The following MFSD11 variants were observed in gnomAD, a reference collection of about 807,000 sequenced individuals.
MFSD11 encodes major facilitator superfamily domain containing 11.
MFSD11 carries 36 observed loss-of-function variants against 53.5 expected under a neutral mutation model. The observed-to-expected ratio is 0.67, with a 90% CI of 0.52 to 0.89. MFSD11 has a LOEUF of 0.89. MFSD11 is among the 40% of genes least tolerant of loss of function. The probability of loss-of-function intolerance (pLI) is 0.00; values close to 1 mark genes in which losing one functional copy is unlikely to be tolerated. For synonymous variants in MFSD11, 186 were observed against 184.9 expected (o/e 1.01, Z -0.05); for missense variants, 530 against 543.9 (o/e 0.97, Z 0.25).
Position 76,738,427 on chromosome 17 carries a change from T to G in MFSD11, c.75T>G (p.Phe25Leu). 6.2e-7 allele frequency: 1 copy of G among 1,613,928 alleles called. No individual in the cohort carries two copies. The highest frequency in any genetic ancestry group is 8.5e-7 in the Non-Finnish European group (1 of 1,179,748). Residue 25 changes from phenylalanine to leucine, a missense_variant, in exon 1 of 13, where the codon TTT becomes TTG. Coordinates refer to ENST00000685175, the MANE Select transcript of MFSD11 (RefSeq NM_001242532.5). ...GVAFMFMFTAFQTCGNVAQTV... is the reference protein window; with the variant it reads ...GVAFMFMFTALQTCGNVAQTV... ...CCTTTATGTTTATGTTCACTGCCTT[T>G]CAAACTTGTGGAAATGTGGCGGTGA...
At chr17:76,754,278 T>C in intron 8 of MFSD11, 191 bp downstream of exon 8, 1 of 545,720 alleles carries the variant, frequency 1.8e-6, no homozygotes, top group African/African-American at 1.9e-5. Context: ...GGATGGATGA[T>C]GGTATGACTG....
At chr17:76,770,383 ATAATTCACAGAT>A (rs1184268546) in intron 10 of MFSD11, among the ~76,000 whole-genome samples, 1 of 152,154 alleles carries the variant, frequency 6.6e-6, no homozygotes, top group Non-Finnish European at 1.5e-5. Context: ...CATTTGCAAA[ATAATTCACAGAT>A]GGAAACCCTG....
chr17:76,754,282 A>T, intron 8 of MFSD11, 195 bp downstream of exon 8: 1 of 542,062 alleles, frequency 1.8e-6, no homozygotes, highest in Non-Finnish European at 3.3e-6. Context: ...GGATGATGGT[A>T]TGACTGCCCA....
the MFSD11 span, among the ~76,000 whole-genome samples, chr17:76,803,743 A>C: frequency 7.9e-5 from 12 of 152,102 alleles, no homozygotes; most frequent in Non-Finnish European, 5.9e-5. Context: ...TGAATTAAAA[A>C]CTGTGATCCC....
Position 76,767,462 on chromosome 17 carries a change from T to TA in MFSD11, c.748+12dup. 6.6e-7 allele frequency: 1 copy of TA among 1,510,086 alleles called. No individual in the cohort carries two copies. The highest frequency in any genetic ancestry group is 9.2e-7 in the Non-Finnish European group (1 of 1,091,434). 93.5% of individuals were successfully genotyped at this position (1,510,086 alleles called of 1,614,324 possible). A position where few individuals can be genotyped will look rare whatever the true frequency, so the allele number is the denominator to read the frequency against. Reference sequence around the variant, plus strand: ...CAACTGCTTATACAGGTAATGGAATTACTGTTCTTATTTTCTCTTGCTGCA... The same window carrying TA: ...CAACTGCTTATACAGGTAATGGAATTAACTGTTCTTATTTTCTCTTGCTGCA... On this transcript the variant is annotated intron_variant, in intron 9 of 12. Coordinates refer to ENST00000685175, the MANE Select transcript of MFSD11 (RefSeq NM_001242532.5).
the MFSD11 span, among the ~76,000 whole-genome samples, chr17:76,796,515 T>C: frequency 6.6e-6 from 1 of 152,160 alleles, no homozygotes; most frequent in Non-Finnish European, 1.5e-5. Context: ...CAGCCGACTC[T>C]GCAGCACCAG....
the MFSD11 span, among the ~76,000 whole-genome samples, chr17:76,802,956 G>A: frequency 6.6e-6 from 1 of 151,946 alleles, no homozygotes; most frequent in South Asian, 2.1e-4. Flanking sequence ...AGGAGATCGA[G>A]TCCATCCTGG....
chr17:76,737,508 G>T (rs1394299868), upstream of MFSD11: 3 of 311,602 alleles, frequency 9.6e-6, no homozygotes, highest in Non-Finnish European at 1.8e-5. Flanking sequence ...GCCAAAAAGC[G>T]CGGAGTCACG....
chr17:76,778,529 T>C lies in MFSD11; in HGVS notation c.*177T>C, dbSNP rs889425104. The C allele has an allele frequency of 7.1e-6, 4 of 563,022 alleles. No homozygotes were observed. The highest frequency in any genetic ancestry group is 1.2e-5 in the Non-Finnish European group (4 of 326,124). The allele number at this position is 563,022 out of a possible 1,614,324, so 34.9% of individuals were successfully genotyped here. A position where few individuals can be genotyped will look rare whatever the true frequency, so the allele number is the denominator to read the frequency against. ...TGTTCAAGTTTACAGATATGAGTTA[T>C]TTAAAGCAAGTAGAATAAGGGAAAG... On this transcript the variant is annotated 3_prime_UTR_variant, in exon 13 of 13. Transcript: ENST00000685175.
chr17:76,741,829 C>T, intron 3 of MFSD11, 140 bp from the exon 4 acceptor site: 1 of 1,301,534 alleles, frequency 7.7e-7, no homozygotes, highest in South Asian at 1.4e-5. Context: ...TTGATTGTGT[C>T]CCTTTTTTCA....
intron 12 of MFSD11, among the ~76,000 whole-genome samples, chr17:76,777,805 C>G (rs1332223473): frequency 1.3e-5 from 2 of 152,100 alleles, no homozygotes; most frequent in African/African-American, 2.4e-5. Context: ...TCTGTACATT[C>G]TTGTTACTCC....
chr17:76,802,113 C>T, the MFSD11 span, among the ~76,000 whole-genome samples: 2 of 151,346 alleles, frequency 1.3e-5, no homozygotes, highest in Admixed American at 6.6e-5. Context: ...TACTAAAATA[C>T]AAAAAAAATT....
chr17:76,770,903 C>T (rs2081326643), intron 10 of MFSD11, among the ~76,000 whole-genome samples: 1 of 152,228 alleles, frequency 6.6e-6, no homozygotes, highest in Non-Finnish European at 1.5e-5. Flanking sequence ...GATCCTGTTA[C>T]ATAGGCATGC....
At chr17:76,777,959 C>T (rs1459281531) in intron 12 of MFSD11, among the ~76,000 whole-genome samples, 1 of 152,036 alleles carries the variant, frequency 6.6e-6, no homozygotes, top group African/African-American at 2.4e-5. Flanking sequence ...GTGGCATGAA[C>T]CCCCACACCT....
the MFSD11 span, among the ~76,000 whole-genome samples, chr17:76,793,579 A>G: frequency 2.6e-5 from 4 of 151,424 alleles, 1 homozygote; most frequent in African/African-American, 9.8e-5. Flanking sequence ...GAGGCGACAT[A>G]CATCCTCCTC....
intron 8 of MFSD11, among the ~76,000 whole-genome samples, chr17:76,766,374 G>A (rs186699390): frequency 1.8e-4 from 27 of 146,402 alleles, no homozygotes; most frequent in African/African-American, 4.8e-4. Flanking sequence ...AGCCAAGATC[G>A]CGCCACTCTA....
chr17:76,747,447 G>T (rs530027746), intron 7 of MFSD11, among the ~76,000 whole-genome samples: 3 of 151,844 alleles, frequency 2.0e-5, no homozygotes, highest in East Asian at 1.9e-4. Context: ...TGATTCTTCC[G>T]CCTCAGCCTC....
At chr17:76,773,011 C>G (rs993828811) in intron 10 of MFSD11, 3 of 152,300 alleles carry the variant, frequency 2.0e-5, no homozygotes, top group Non-Finnish European at 2.9e-5. Flanking sequence ...GCTGGTGGGA[C>G]CAGACACTAT....
At chr17:76,763,510 C>T (rs1191390562) in intron 8 of MFSD11, among the ~76,000 whole-genome samples, 4 of 152,066 alleles carry the variant, frequency 2.6e-5, no homozygotes, top group East Asian at 1.9e-4. Flanking sequence ...GTGATCCACC[C>T]GCCTCAGCCT....
Sources: allele counts gnomAD v4.1 joint callset (sites outside exome capture counted in the v4.1 genomes callset), GRCh38; gene constraint gnomAD v4.1.1; transcripts MANE v1.5; gene names NCBI Gene and HGNC (gene_info 2026-07-23, HGNC 2026-07-21).